CAMK2G: variants seen among roughly 807,000 people sequenced by gnomAD.
CAMK2G encodes calcium/calmodulin dependent protein kinase II gamma.
Under a neutral mutation model 88.7 loss-of-function variants are expected in CAMK2G, and 23 were observed. The ratio of observed to expected loss-of-function variants is 0.26; its 90% confidence interval spans 0.19 to 0.37. CAMK2G has a LOEUF of 0.37. Among genes scored for constraint, CAMK2G ranks in the 10% least tolerant of loss-of-function variants. The pLI is 1.00. For missense variants in CAMK2G, 476 were observed against 780.8 expected (o/e 0.61, Z 4.65); for synonymous variants, 263 against 294.8 (o/e 0.89, Z 1.11).
At chr10:73,870,451 C>T (rs1340519600) in intron 2 of CAMK2G, among the ~76,000 whole-genome samples, 1 of 152,230 alleles carries the variant, frequency 6.6e-6, no homozygotes, top group Non-Finnish European at 1.5e-5. Context: ...AGTGACAAGA[C>T]ACAACAGCCC....
At chr10:73,816,858 G>T in intron 21 of CAMK2G, 165 bp downstream of exon 21, 2 of 1,594,222 alleles carry the variant, frequency 1.3e-6, no homozygotes, top group Non-Finnish European at 1.7e-6. Context: ...AAAGGTGCCT[G>T]TCTACAACCA....
rs1471177220 is a variant in CAMK2G at position 73,817,036 on chromosome 10, A to C, written c.1521T>G (p.Phe507Leu). 18 of 1,614,050 alleles carry C rather than the reference A, an allele frequency of 1.1e-5. No homozygotes were observed. Among genetic ancestry groups the C allele is most frequent in the Non-Finnish European group, 1.5e-5 (18 of 1,180,026 alleles). The change falls in exon 21 of 23, where the codon TTT becomes TTG. Residue 507 changes from phenylalanine (F) to leucine (L), a missense_variant. By Grantham distance (22) the Phe-to-Leu change is conservative. Coordinates refer to ENST00000423381, the MANE Select transcript of CAMK2G (RefSeq NM_001367534.1). ...NLVEGMDFHK[F>L]YFENLLSKNS... Reference sequence around the variant, plus strand: ...GAACCCACTCACGATTCTCAAAGTAAAACTTATGGAAATCCATCCCCTCCA... The same window carrying C: ...GAACCCACTCACGATTCTCAAAGTACAACTTATGGAAATCCATCCCCTCCA...
chr10:73,828,203 A>C, intron 14 of CAMK2G, 82 bp from the exon 15 acceptor site: 1 of 1,146,228 alleles, frequency 8.7e-7, no homozygotes, highest in Non-Finnish European at 1.3e-6. Flanking sequence ...AGGTTAGCGC[A>C]CCAGTGTGGG....
chr10:73,831,005 G>A (rs1312666446), intron 14 of CAMK2G, among the ~76,000 whole-genome samples: 1 of 152,132 alleles, frequency 6.6e-6, no homozygotes, highest in Non-Finnish European at 1.5e-5. Context: ...TACTTCACAG[G>A]CCTCCCTCAT....
Position 73,839,872 on chromosome 10 carries a change from C to T in CAMK2G, c.947-271G>A, listed in dbSNP as rs531561057. Reference sequence around the variant, plus strand: ...GCAGTGCCTGTCTCATGACCCCCTCCGGAGGAGGGTCCACAGCGAAATGCC... The same window carrying T: ...GCAGTGCCTGTCTCATGACCCCCTCTGGAGGAGGGTCCACAGCGAAATGCC... On this transcript the variant is annotated intron_variant, in intron 12 of 22. Coordinates refer to ENST00000423381, the MANE Select transcript of CAMK2G (RefSeq NM_001367534.1). The surrounding 1 kb of genome is among the most constrained non-coding windows in gnomAD (Gnocchi z 4.2). Among the ~76,000 whole-genome samples the T allele has an allele frequency of 2.6e-4, 40 of 152,294 alleles. No individual in the cohort carries two copies. Among genetic ancestry groups the T allele is most frequent in the South Asian group, 1.2e-3 (6 of 4,828 alleles).
chr10:73,824,113 C>T (rs376886792), intron 16 of CAMK2G, 29 bp from the exon 17 acceptor site: 44 of 1,588,334 alleles, frequency 2.8e-5, no homozygotes, highest in African/African-American at 1.9e-4. Context: ...ATTACCCTTC[C>T]GACTTGGGGA....
rs1411045194 is a variant in CAMK2G at position 73,855,687 on chromosome 10, C to T, written c.221-2441G>A. Among the ~76,000 whole-genome samples the T allele has an allele frequency of 6.6e-5, 10 of 152,300 alleles. No homozygotes were observed. In the East Asian group the frequency reaches 1.3e-3, roughly 21 times the overall value. ...ACACAGAGCCCAGGTGGGAGGAAGC[C>T]GGGGAAGGGAATTAGAAGAAAGGAG... On this transcript the variant is annotated intron_variant, in intron 3 of 22. Transcript: ENST00000423381.
chr10:73,816,286 TC>T, intron 21 of CAMK2G: 12 of 990,116 alleles, frequency 1.2e-5, no homozygotes, highest in Non-Finnish European at 1.4e-5. Context: ...AGCCACAACT[TC>T]CGATCTCGCA....
intron 5 of CAMK2G, among the ~76,000 whole-genome samples, chr10:73,850,656 G>A (rs1323624553): frequency 6.6e-6 from 1 of 152,226 alleles, no homozygotes; most frequent in Non-Finnish European, 1.5e-5. Flanking sequence ...GGCACTATCT[G>A]GTATATTAAG....
chr10:73,821,922 C>G (rs1467835469), intron 17 of CAMK2G, among the ~76,000 whole-genome samples, 192 bp from the exon 18 acceptor site: 1 of 152,208 alleles, frequency 6.6e-6, no homozygotes, highest in Non-Finnish European at 1.5e-5. Context: ...TAAATGCCAC[C>G]ATCTACCCAG....
At chr10:73,862,622 C>T (rs1056857727) in intron 2 of CAMK2G, among the ~76,000 whole-genome samples, 6 of 152,160 alleles carry the variant, frequency 3.9e-5, no homozygotes, top group Non-Finnish European at 5.9e-5. Context: ...GAGTAATCTG[C>T]CTAAGGTAAC....
At chr10:73,869,447 C>T (rs1272156714) in intron 2 of CAMK2G, among the ~76,000 whole-genome samples, 1 of 152,304 alleles carries the variant, frequency 6.6e-6, no homozygotes, top group East Asian at 1.9e-4. Flanking sequence ...TTCCAGCAGC[C>T]GTATCAGGTC....
At chr10:73,834,692 T>A (rs2092991797) in intron 14 of CAMK2G, among the ~76,000 whole-genome samples, 1 of 152,184 alleles carries the variant, frequency 6.6e-6, no homozygotes, top group Non-Finnish European at 1.5e-5. Context: ...GTTTTTAAAA[T>A]TCACAGATTC....
intron 2 of CAMK2G, among the ~76,000 whole-genome samples, chr10:73,868,320 C>T (rs913351981): frequency 4.6e-5 from 7 of 152,132 alleles, no homozygotes; most frequent in African/African-American, 1.4e-4. Context: ...CTTCCCACCT[C>T]CATCCCCACA....
At chr10:73,827,387 C>T (rs1487961770) in intron 15 of CAMK2G, among the ~76,000 whole-genome samples, 2 of 152,148 alleles carry the variant, frequency 1.3e-5, no homozygotes, top group Non-Finnish European at 2.9e-5. Context: ...AGGGTTTCAC[C>T]GTGTTATGGT....
rs1160194943 is a variant in CAMK2G, at chr10:73,839,019, T to C, written c.1009+520A>G. Among the ~76,000 whole-genome samples, 1 of 152,184 alleles carries C rather than the reference T, an allele frequency of 6.6e-6. No homozygotes were observed. Among genetic ancestry groups the C allele is most frequent in the East Asian group, 1.9e-4 (1 of 5,200 alleles). Reference sequence around the variant, plus strand: ...GGAATTAAGGCTGGGAGAGCTGGTGTGACTCGCTCAGGGTGTGGCAGGGCT... The same window carrying C: ...GGAATTAAGGCTGGGAGAGCTGGTGCGACTCGCTCAGGGTGTGGCAGGGCT... On this transcript the variant is annotated intron_variant, in intron 13 of 22. Coordinates refer to ENST00000423381, the MANE Select transcript of CAMK2G (RefSeq NM_001367534.1). This position sits in a 1 kb window ranked among gnomAD's most constrained non-coding sequence, Gnocchi z 4.2.
intron 10 of CAMK2G, among the ~76,000 whole-genome samples, chr10:73,845,744 T>C (rs1466104932): frequency 6.6e-6 from 1 of 152,014 alleles, no homozygotes; most frequent in Non-Finnish European, 1.5e-5. Flanking sequence ...TCCTTTAGGT[T>C]CTCTCAAATA....
At chr10:73,840,109 G>C (rs2093655108) in intron 12 of CAMK2G, among the ~76,000 whole-genome samples, 1 of 152,266 alleles carries the variant, frequency 6.6e-6, no homozygotes. Context: ...TGTGGCCCTT[G>C]TGCAGCTAAG....
intron 19 of CAMK2G, among the ~76,000 whole-genome samples, chr10:73,818,019 G>A (rs1422571498): frequency 6.6e-6 from 1 of 152,144 alleles, no homozygotes; most frequent in Non-Finnish European, 1.5e-5. Context: ...TCATTCAGTG[G>A]CCAGGACCCA....
Sources: gnomAD v4.1 joint callset for allele counts (sites outside exome capture counted in the v4.1 genomes callset) on GRCh38, gnomAD v4.1.1 for gene constraint, Gnocchi (gnomAD v3.1) non-coding constraint, MANE v1.5 for transcripts, NCBI Gene and HGNC (gene_info 2026-07-23, HGNC 2026-07-21) for gene names.